HIF1A: variants seen among roughly 807,000 people sequenced by gnomAD.
HIF1A encodes hypoxia-inducible factor 1-alpha.
In HIF1A, 24 loss-of-function variants were observed where a neutral mutation model predicts 92.7. That is an observed-to-expected ratio of 0.26 (90% confidence interval 0.19 to 0.36). HIF1A has a LOEUF of 0.36. HIF1A is among the 10% of genes least tolerant of loss of function. HIF1A has a pLI of 1.00. For missense variants in HIF1A, 799 were observed against 998.5 expected (o/e 0.80, Z 2.69); for synonymous variants, 319 against 338.7 (o/e 0.94, Z 0.64).
chr14:61,733,605 A>G (rs1017626723), intron 7 of HIF1A, among the ~76,000 whole-genome samples: 1 of 152,202 alleles, frequency 6.6e-6, no homozygotes. Flanking sequence ...CCAAGTCTGC[A>G]GTCAGGACAC....
At chr14:61,708,078 T>C (rs372797694) in intron 1 of HIF1A, among the ~76,000 whole-genome samples, 1 of 152,232 alleles carries the variant, frequency 6.6e-6, no homozygotes, top group Admixed American at 6.5e-5. Context: ...CATTTTTTCA[T>C]GTGTCTTTTG....
chr14:61,706,512 G>C (rs1343629628), intron 1 of HIF1A, among the ~76,000 whole-genome samples: 1 of 152,192 alleles, frequency 6.6e-6, no homozygotes, highest in Non-Finnish European at 1.5e-5. Context: ...TATATTCAGT[G>C]TTTTGCCTGA....
At chr14:61,718,206 C>T (rs956709927) in intron 1 of HIF1A, among the ~76,000 whole-genome samples, 1 of 150,088 alleles carries the variant, frequency 6.7e-6, no homozygotes, top group African/African-American at 2.5e-5. Flanking sequence ...TAATTTGAGC[C>T]CTTTGTGAGG....
At chr14:61,709,539 G>A (rs1448759945) in intron 1 of HIF1A, among the ~76,000 whole-genome samples, 1 of 152,086 alleles carries the variant, frequency 6.6e-6, no homozygotes, top group Non-Finnish European at 1.5e-5. Flanking sequence ...ATTTTGGTGA[G>A]GTTTGGAAGG....
chr14:61,695,636 G>A lies in HIF1A; in HGVS notation c.-169G>A. The A allele has an allele frequency of 2.8e-6, 2 of 706,330 alleles. No individual in the cohort carries two copies. Among genetic ancestry groups the A allele is most frequent in the Admixed American group, 2.9e-5 (1 of 34,434 alleles). 43.8% of individuals were successfully genotyped at this position (706,330 alleles called of 1,614,324 possible). ...AGGCTCGGAGCCGGGCCCGGACCCC[G>A]GCGATTGCCGCCCGCTTCTCTCTAG... is the stretch of plus-strand genomic sequence containing the variant. On this transcript the variant is annotated 5_prime_UTR_variant, in exon 1 of 15. Coordinates refer to ENST00000337138, the MANE Select transcript of HIF1A (RefSeq NM_001530.4).
At chr14:61,711,037 G>A (rs1229857944) in intron 1 of HIF1A, among the ~76,000 whole-genome samples, 1 of 111,880 alleles carries the variant, frequency 8.9e-6, no homozygotes. Context: ...AACAGTGCGA[G>A]ACTCTGTCTC....
intron 6 of HIF1A, among the ~76,000 whole-genome samples, chr14:61,727,964 G>C (rs1477998257): frequency 1.3e-5 from 2 of 150,424 alleles, no homozygotes; most frequent in East Asian, 3.9e-4. Context: ...GTTGTGGTGA[G>C]CTGAGCTCAC....
chr14:61,710,917 G>T (rs143457558), intron 1 of HIF1A, among the ~76,000 whole-genome samples: 1 of 151,846 alleles, frequency 6.6e-6, no homozygotes, highest in Non-Finnish European at 1.5e-5. Context: ...AAAATTAGCC[G>T]GGTGTGGTGG....
chr14:61,723,742 C>T (rs2044462543), intron 4 of HIF1A, among the ~76,000 whole-genome samples: 1 of 152,230 alleles, frequency 6.6e-6, no homozygotes, highest in South Asian at 2.1e-4. Context: ...ATTAGGAAGT[C>T]TTGTTCTGAT....
At chr14:61,701,436 G>T (rs2044174548) in intron 1 of HIF1A, among the ~76,000 whole-genome samples, 1 of 151,966 alleles carries the variant, frequency 6.6e-6, no homozygotes, top group African/African-American at 2.4e-5. Flanking sequence ...ACTCATTAAG[G>T]ACAGGTCCCC....
intron 4 of HIF1A, among the ~76,000 whole-genome samples, chr14:61,724,380 T>TCTCTCTCTCTCC (rs771152491): frequency 6.1e-4 from 85 of 139,688 alleles, no homozygotes; most frequent in Admixed American, 9.3e-4. Context: ...TCTCTCTCTC[T>TCTCTCTCTCTCC]CCCCCTCCCT....
chr14:61,697,457 C>CT (rs577703221), intron 1 of HIF1A, among the ~76,000 whole-genome samples: 1 of 152,234 alleles, frequency 6.6e-6, no homozygotes, highest in African/African-American at 2.4e-5. Flanking sequence ...TTATGTACCA[C>CT]TTTTTTTATA....
chr14:61,739,069 G>T (rs1340514282), intron 10 of HIF1A, among the ~76,000 whole-genome samples: 1 of 152,124 alleles, frequency 6.6e-6, no homozygotes, highest in Non-Finnish European at 1.5e-5. Context: ...CTTTGAGTTG[G>T]AGAACTGTCT....
chr14:61,717,719 T>A (rs777912670), intron 1 of HIF1A, among the ~76,000 whole-genome samples: 1 of 152,170 alleles, frequency 6.6e-6, no homozygotes, highest in African/African-American at 2.4e-5. Context: ...TCCATCACCA[T>A]AGTTAGCTTG....
chr14:61,708,115 G>T (rs1184980778), intron 1 of HIF1A, among the ~76,000 whole-genome samples: 1 of 152,230 alleles, frequency 6.6e-6, no homozygotes. Flanking sequence ...CTTTTGAGAA[G>T]TGTCTGTTCA....
chr14:61,707,445 A>G (rs1010723843), intron 1 of HIF1A, among the ~76,000 whole-genome samples: 7 of 151,990 alleles, frequency 4.6e-5, no homozygotes, highest in African/African-American at 1.7e-4. Flanking sequence ...TCCTAATGCT[A>G]TCCCTCCCCG....
rs546948730 is a variant in HIF1A at position 61,721,425 on chromosome 14, A to T, written c.227-84A>T. ...TATATTAAATAAAGTGTCTGCGAGA[A>T]AACTTTGTAAAAACATCTAAATATT... On this transcript the variant is annotated intron_variant, in intron 2 of 14. Coordinates refer to ENST00000337138, the MANE Select transcript of HIF1A (RefSeq NM_001530.4). The T allele has an allele frequency of 7.9e-5, 93 of 1,184,044 alleles. 2 individuals carry two copies. The South Asian group carries it at 1.2e-3, about 15-fold the overall frequency. 73.3% of individuals were successfully genotyped at this position (1,184,044 alleles called of 1,614,324 possible).
intron 1 of HIF1A, among the ~76,000 whole-genome samples, chr14:61,700,776 A>T (rs2044168743): frequency 6.6e-6 from 1 of 152,176 alleles, no homozygotes; most frequent in African/African-American, 2.4e-5. Context: ...CTATTTCTCC[A>T]CATCCTTCTA....
chr14:61,700,794 G>C (rs1265730113), intron 1 of HIF1A, among the ~76,000 whole-genome samples: 1 of 152,176 alleles, frequency 6.6e-6, no homozygotes, highest in African/African-American at 2.4e-5. Context: ...CTAAACACTT[G>C]TTTTCTTTCT....
Sources: allele counts gnomAD v4.1 joint callset (sites outside exome capture counted in the v4.1 genomes callset), GRCh38; gene constraint gnomAD v4.1.1; transcripts MANE v1.5; gene names NCBI Gene and HGNC (gene_info 2026-07-23, HGNC 2026-07-21).